Variants in CUBN observed in about 807,000 individuals in gnomAD.
The protein encoded by CUBN is 460 kDa receptor.
A neutral mutation model predicts 405.3 loss-of-function variants in CUBN; 282 were observed. That is an observed-to-expected ratio of 0.70 (90% confidence interval 0.63 to 0.77). The LOEUF (loss-of-function observed/expected upper bound fraction) is 0.77, where lower values mean the gene tolerates loss of function less well. CUBN is among the 30% of genes least tolerant of loss of function. CUBN has a pLI of 0.00. For missense variants in CUBN, 4,514 were observed against 4,475.2 expected (o/e 1.01, Z -0.25); for synonymous variants, 1,684 against 1,617.0 (o/e 1.04, Z -0.99).
chr10:17,101,919 G>A (rs1836501248), intron 13 of CUBN, among the ~76,000 whole-genome samples: 1 of 152,148 alleles, frequency 6.6e-6, no homozygotes, highest in African/African-American at 2.4e-5. Flanking sequence ...TAATGTATAT[G>A]GAGCACTTAG....
At chr10:16,925,491 T>G (rs1231644817) in intron 42 of CUBN, 67 bp from the exon 43 acceptor site, 7 of 1,604,470 alleles carry the variant, frequency 4.4e-6, no homozygotes, top group Non-Finnish European at 4.3e-6. Flanking sequence ...GCAATTCTTA[T>G]CCATTTATGT....
At chr10:16,839,386 C>T (rs1364291451) in intron 62 of CUBN, among the ~76,000 whole-genome samples, 1 of 152,036 alleles carries the variant, frequency 6.6e-6, no homozygotes, top group African/African-American at 2.4e-5. Context: ...ACAAACCACT[C>T]CATCAAAAAG....
intron 22 of CUBN, among the ~76,000 whole-genome samples, chr10:17,050,736 T>C (rs970654676): frequency 3.3e-5 from 5 of 152,222 alleles, no homozygotes; most frequent in South Asian, 2.1e-4. Flanking sequence ...GTGAAGACCA[T>C]GGCCAAGAGT....
In CUBN at chr10:16,915,916, C is replaced by T; in HGVS notation, c.7115G>A (p.Gly2372Glu). 5.0e-6 allele frequency: 8 copies of T among 1,614,124 alleles called. No individual in the cohort carries two copies. The highest frequency in any genetic ancestry group is 6.8e-6 in the Non-Finnish European group (8 of 1,179,990). Reference protein sequence around the residue: ...FCEWHLQGLSGHYLTISFEDF... With the variant: ...FCEWHLQGLSEHYLTISFEDF... Reference sequence around the variant, plus strand: ...TTCAAAAGAGATGGTGAGATAGTGTCCAGAGAGCCCCTGGAGATGCCACTC... The same window carrying T: ...TTCAAAAGAGATGGTGAGATAGTGTTCAGAGAGCCCCTGGAGATGCCACTC... The change falls in exon 46 of 67, where the codon GGA becomes GAA. Residue 2372 changes from glycine to glutamate, a missense_variant. Gly to Glu is a moderately conservative substitution (Grantham distance 98, BLOSUM62 -2). Transcript: ENST00000377833.
At chr10:16,879,767 G>C (rs1405152007) in intron 56 of CUBN, among the ~76,000 whole-genome samples, 2 of 152,154 alleles carry the variant, frequency 1.3e-5, no homozygotes. Context: ...AGAGATTTGT[G>C]GCATTTGCCA....
chr10:17,106,438 C>A (rs929421718), intron 10 of CUBN, among the ~76,000 whole-genome samples: 3 of 151,338 alleles, frequency 2.0e-5, no homozygotes. Flanking sequence ...CCTGTCTCTA[C>A]TAAAAATACA....
chr10:16,850,639 T>A (rs1370960108), intron 60 of CUBN, among the ~76,000 whole-genome samples: 1 of 152,062 alleles, frequency 6.6e-6, no homozygotes, highest in Non-Finnish European at 1.5e-5. Context: ...ACCCGGCTAA[T>A]TTTTTGTGTC....
chr10:16,964,754 A>G (rs563021457), intron 31 of CUBN, among the ~76,000 whole-genome samples: 4 of 152,350 alleles, frequency 2.6e-5, no homozygotes, highest in Admixed American at 1.3e-4. Context: ...ACGCCAGTTA[A>G]TCTAGCCTCT....
At chr10:17,092,550 C>T (rs537507602) in intron 14 of CUBN, among the ~76,000 whole-genome samples, 3 of 152,160 alleles carry the variant, frequency 2.0e-5, no homozygotes, top group Non-Finnish European at 4.4e-5. Flanking sequence ...GGCAGTCAAA[C>T]ACCACCAAAA....
intron 37 of CUBN, 52 bp downstream of exon 37, chr10:16,939,980 C>T (rs1486595778): frequency 2.2e-6 from 3 of 1,374,722 alleles, no homozygotes; most frequent in South Asian, 2.3e-5. Flanking sequence ...ATTATTATTT[C>T]TAGTTTGTAA....
chr10:17,068,730 T>A lies in CUBN; in HGVS notation c.2666A>T (p.Lys889Met). Residue 889 changes from lysine to methionine, a missense_variant, in exon 20 of 67, where the codon AAG becomes ATG. This residue lies in a region of CUBN where 1,448 missense variants were observed against 1,388.0 expected (regional missense o/e 1.04). Transcript: ENST00000377833. ...SSILGSPENK[K>M]YCGTDIPSFI... ...TGAAGGTATGTCTGTACCGCAATAC[T>A]TTTTATTTTCAGGAGAACCCAAAAT... 1 of 1,612,592 alleles carries A rather than the reference T, an allele frequency of 6.2e-7. No individual in the cohort carries two copies. The highest frequency in any genetic ancestry group is 8.5e-7 in the Non-Finnish European group (1 of 1,178,818).
chr10:17,098,215 C>T (rs555350954), intron 14 of CUBN, among the ~76,000 whole-genome samples: 76 of 152,294 alleles, frequency 5.0e-4, no homozygotes, highest in Non-Finnish European at 9.1e-4. Flanking sequence ...CTTGGATATT[C>T]AGCCCAGTCC....
At chr10:17,023,075 T>C (rs1834542477) in intron 27 of CUBN, among the ~76,000 whole-genome samples, 1 of 152,016 alleles carries the variant, frequency 6.6e-6, no homozygotes, top group Admixed American at 6.6e-5. Flanking sequence ...AAATGTGGCA[T>C]TTTCACGTGA....
chr10:16,903,074 T>G (rs376397219), intron 51 of CUBN, among the ~76,000 whole-genome samples: 218 of 152,338 alleles, frequency 1.4e-3, no homozygotes, highest in African/African-American at 4.7e-3. Context: ...ACCCATTATA[T>G]GTATAAAACA....
At chr10:17,044,936 A>G in intron 25 of CUBN, 71 bp downstream of exon 25, 2 of 1,438,738 alleles carry the variant, frequency 1.4e-6, no homozygotes, top group Non-Finnish European at 2.0e-6. Flanking sequence ...AATCTCGAAA[A>G]TAAAAATAAG....
At chr10:16,833,789 G>A (rs1281415362) in intron 64 of CUBN, among the ~76,000 whole-genome samples, 3 of 152,168 alleles carry the variant, frequency 2.0e-5, no homozygotes, top group Non-Finnish European at 2.9e-5. Flanking sequence ...AAAGGAGCCC[G>A]CTGCCTACAC....
At chr10:16,876,854 A>C in intron 57 of CUBN, 43 bp downstream of exon 57, 1 of 1,547,842 alleles carries the variant, frequency 6.5e-7, no homozygotes. Flanking sequence ...TACATTACTC[A>C]GAAAAGAAGA....
In CUBN at chr10:17,045,319, A is replaced by G. The variant is rs770710590; in HGVS notation, c.3491-131T>C. 9.3e-5 allele frequency: 86 copies of G among 920,126 alleles called. 1 individual carries two copies. Among genetic ancestry groups the G allele is most frequent in the Non-Finnish European group, 1.3e-4 (77 of 577,822 alleles). 57.0% of individuals were successfully genotyped at this position (920,126 alleles called of 1,614,324 possible). A position where few individuals can be genotyped will look rare whatever the true frequency, so the allele number is the denominator to read the frequency against. ...TTGCACAGCAAAATGGCATCATGAAAGAGTAGTTATAGCCTAAAAATCCAA... is the reference window on the plus strand; with the variant it reads ...TTGCACAGCAAAATGGCATCATGAAGGAGTAGTTATAGCCTAAAAATCCAA... On this transcript the variant is annotated intron_variant, in intron 24 of 66. Transcript: ENST00000377833.
Position 17,117,435 on chromosome 10 carries a change from CA to C in CUBN, c.594-1839del, listed in dbSNP as rs1368781357. Among the ~76,000 whole-genome samples the C allele has an allele frequency of 1.6e-4, 25 of 152,244 alleles. 1 individual carries two copies. In the East Asian group the frequency reaches 4.6e-3, roughly 28 times the overall value. ...TGTCACCCAGGCTGGACTGCAGTGG[CA>C]TGATCTCAGCTCACTGCAACCTCCG... On this transcript the variant is annotated intron_variant, in intron 6 of 66. Transcript: ENST00000377833.
Sources: allele counts gnomAD v4.1 joint callset (sites outside exome capture counted in the v4.1 genomes callset), GRCh38; gene constraint gnomAD v4.1.1; regional missense constraint gnomAD v4.1.1; transcripts MANE v1.5; gene names NCBI Gene and HGNC (gene_info 2026-07-23, HGNC 2026-07-21).